Variants in PHACTR3 observed in about 807,000 individuals in gnomAD.
The protein encoded by PHACTR3 is protein phosphatase 1, regulatory subunit 123.
PHACTR3 carries 16 observed loss-of-function variants against 66.8 expected under a neutral mutation model. The ratio of observed to expected loss-of-function variants is 0.24; its 90% CI spans 0.16 to 0.36. The LOEUF (loss-of-function observed/expected upper bound fraction) is 0.36, where lower values mean the gene tolerates loss of function less well. Ranked by LOEUF, PHACTR3 falls within the 10% of genes least tolerant of loss-of-function variation. PHACTR3 has a pLI of 1.00. For missense variants in PHACTR3, 647 were observed against 719.9 expected, an observed-to-expected ratio of 0.90 and a Z score of 1.16; for synonymous variants, 323 against 292.1, an observed-to-expected ratio of 1.11 and a Z score of -1.08.
intron 4 of PHACTR3, among the ~76,000 whole-genome samples, chr20:59,758,991 C>T (rs2039903477): frequency 1.3e-5 from 2 of 152,232 alleles, no homozygotes; most frequent in South Asian, 2.1e-4. Context: ...ATCACTGTTA[C>T]TCTCACCATC....
intron 1 of PHACTR3, among the ~76,000 whole-genome samples, chr20:59,693,845 G>T (rs2037196290): frequency 6.6e-6 from 1 of 152,196 alleles, no homozygotes. Flanking sequence ...TGGAGGCAGA[G>T]CCCCAGGCAA....
intron 7 of PHACTR3, among the ~76,000 whole-genome samples, chr20:59,781,020 C>T (rs2040706233): frequency 6.6e-6 from 1 of 152,226 alleles, no homozygotes; most frequent in Non-Finnish European, 1.5e-5. Flanking sequence ...CACCGCTCAT[C>T]AAAATACTGC....
chr20:59,666,610 GAGAGAC>G (rs556727802), intron 1 of PHACTR3, among the ~76,000 whole-genome samples: 257 of 152,250 alleles, frequency 1.7e-3, no homozygotes, highest in African/African-American at 5.7e-3. Flanking sequence ...GAAAGATGGA[GAGAGAC>G]AGAGACAGAG....
chr20:59,626,970 A>G (rs1323143557), intron 1 of PHACTR3: 1 of 152,274 alleles, frequency 6.6e-6, no homozygotes, highest in Non-Finnish European at 1.5e-5. Context: ...AAGTATTTAC[A>G]CCATGGCAAT....
chr20:59,650,432 A>G lies in PHACTR3; in HGVS notation c.118+45300A>G, dbSNP rs148730690. 3.9e-3 allele frequency among the ~76,000 whole-genome samples: 591 copies of G among 152,272 alleles called. 5 individuals are homozygous for G. The highest frequency in any genetic ancestry group is 0.013 in the African/African-American group (558 of 41,550). Reference sequence around the variant, plus strand: ...AAGTCAAGTGAAAGTAAATTTTCCCATCAAAGGAAGGCACTATTGCTTTCA... The same window carrying G: ...AAGTCAAGTGAAAGTAAATTTTCCCGTCAAAGGAAGGCACTATTGCTTTCA... On this transcript the variant is annotated intron_variant, in intron 1 of 12. Coordinates refer to ENST00000371015, the MANE Select transcript of PHACTR3 (RefSeq NM_080672.5).
intron 1 of PHACTR3, among the ~76,000 whole-genome samples, chr20:59,681,705 A>C (rs1365578217): frequency 6.6e-6 from 1 of 152,258 alleles, no homozygotes; most frequent in East Asian, 1.9e-4. Flanking sequence ...CAAGGAGCAG[A>C]CTTTGATAGG....
chr20:59,803,533 T>G (rs1455431268), intron 7 of PHACTR3, among the ~76,000 whole-genome samples: 1 of 152,240 alleles, frequency 6.6e-6, no homozygotes, highest in African/African-American at 2.4e-5. Flanking sequence ...AATATATATT[T>G]ACAAAATTGG....
intron 1 of PHACTR3, among the ~76,000 whole-genome samples, chr20:59,624,752 TA>T (rs150991261): frequency 0.019 from 2,911 of 151,724 alleles, 44 homozygotes; most frequent in Non-Finnish European, 0.029. Flanking sequence ...AAAGAAGACT[TA>T]AAAAAAAACT....
At chr20:59,761,905 G>T (rs1439620152) in intron 4 of PHACTR3, among the ~76,000 whole-genome samples, 1 of 152,230 alleles carries the variant, frequency 6.6e-6, no homozygotes, top group African/African-American at 2.4e-5. Context: ...CAAGGGAGCG[G>T]TCCCCCAAAT....
At chr20:59,836,584 G>C (rs369525907) in intron 9 of PHACTR3, 24 bp downstream of exon 9, 2 of 1,606,010 alleles carry the variant, frequency 1.2e-6, no homozygotes, top group African/African-American at 2.7e-5. Context: ...GATTCCTCTA[G>C]AGGTTTTCCT....
intron 1 of PHACTR3, among the ~76,000 whole-genome samples, chr20:59,654,888 A>T (rs2035566440): frequency 6.6e-6 from 1 of 151,614 alleles, no homozygotes; most frequent in Non-Finnish European, 1.5e-5. Flanking sequence ...AAATTCATTC[A>T]GTGTGTGTAT....
chr20:59,599,284 G>A (rs2033408744), intron 1 of PHACTR3, among the ~76,000 whole-genome samples: 2 of 152,178 alleles, frequency 1.3e-5, no homozygotes, highest in South Asian at 2.1e-4. Context: ...CACATTCTTG[G>A]GTGAACAAAC....
intron 7 of PHACTR3, among the ~76,000 whole-genome samples, chr20:59,783,940 C>T (rs2040816078): frequency 6.6e-6 from 1 of 152,236 alleles, no homozygotes; most frequent in African/African-American, 2.4e-5. Context: ...CTCCCTGGGG[C>T]CTGGGCCTCT....
intron 11 of PHACTR3, among the ~76,000 whole-genome samples, 155 bp downstream of exon 11, chr20:59,841,690 G>C (rs951170672): frequency 2.0e-5 from 3 of 152,164 alleles, no homozygotes; most frequent in Non-Finnish European, 1.5e-5. Flanking sequence ...TTCAGGGTCA[G>C]ATTGAGAAGT....
intron 8 of PHACTR3, among the ~76,000 whole-genome samples, chr20:59,823,324 T>C (rs2042101837): frequency 6.6e-6 from 1 of 152,130 alleles, no homozygotes; most frequent in South Asian, 2.1e-4. Context: ...TTACCTCCCA[T>C]GTGCTGTGCC....
chr20:59,729,700 G>A (rs1255749360), intron 1 of PHACTR3, among the ~76,000 whole-genome samples: 2 of 152,160 alleles, frequency 1.3e-5, no homozygotes, highest in South Asian at 2.1e-4. Context: ...AGCCCGCACT[G>A]CATGACTTGC....
intron 1 of PHACTR3, among the ~76,000 whole-genome samples, chr20:59,589,318 G>T (rs2033124130): frequency 6.6e-6 from 1 of 152,208 alleles, no homozygotes; most frequent in Non-Finnish European, 1.5e-5. Flanking sequence ...AATCCCGATG[G>T]ACCCACCAGC....
chr20:59,644,309 T>G (rs768817472), intron 1 of PHACTR3, among the ~76,000 whole-genome samples: 30 of 152,190 alleles, frequency 2.0e-4, no homozygotes, highest in Admixed American at 4.6e-4. Context: ...CATTTCGAAG[T>G]GAAAAACAGT....
At chr20:59,712,414 T>C (rs1314910951) in intron 1 of PHACTR3, among the ~76,000 whole-genome samples, 1 of 152,196 alleles carries the variant, frequency 6.6e-6, no homozygotes, top group East Asian at 1.9e-4. Context: ...GCAGTTTTGA[T>C]TATTATAGCT....
Sources: allele counts gnomAD v4.1 joint callset (sites outside exome capture counted in the v4.1 genomes callset), GRCh38; gene constraint gnomAD v4.1.1; transcripts MANE v1.5; gene names NCBI Gene and HGNC (gene_info 2026-07-23, HGNC 2026-07-21).